CNTNAP5: variants seen among roughly 807,000 people sequenced by gnomAD.
CNTNAP5 encodes contactin associated protein family member 5.
In CNTNAP5, 72 loss-of-function variants were observed where a neutral mutation model predicts 150.2. That is an observed-to-expected ratio of 0.48 (90% confidence interval 0.40 to 0.58). The LOEUF (loss-of-function observed/expected upper bound fraction) is 0.58. CNTNAP5 is among the 20% of genes least tolerant of loss of function. The probability of loss-of-function intolerance (pLI) is 0.00; values close to 1 mark genes in which losing one functional copy is unlikely to be tolerated. For missense variants in CNTNAP5, 1,636 were observed against 1,626.2 expected (o/e 1.01, Z -0.10); for synonymous variants, 672 against 619.8 (o/e 1.08, Z -1.25).
At chr2:124,434,876 G>A (rs749782346) in intron 5 of CNTNAP5, among the ~76,000 whole-genome samples, 189 bp downstream of exon 5, 1 of 152,178 alleles carries the variant, frequency 6.6e-6, no homozygotes, top group Admixed American at 6.5e-5. Flanking sequence ...GACATGTAGG[G>A]AGAGTTGCAA....
At chr2:124,393,223 T>A (rs971572286) in intron 3 of CNTNAP5, among the ~76,000 whole-genome samples, 5 of 152,074 alleles carry the variant, frequency 3.3e-5, no homozygotes, top group Admixed American at 2.6e-4. Flanking sequence ...ATGTCAAACT[T>A]CTCTTTAATT....
At chr2:124,568,372 T>C (rs957510882) in intron 11 of CNTNAP5, among the ~76,000 whole-genome samples, 7 of 152,140 alleles carry the variant, frequency 4.6e-5, no homozygotes, top group Non-Finnish European at 1.0e-4. Flanking sequence ...GACATGATAG[T>C]AGACATACAT....
intron 10 of CNTNAP5, among the ~76,000 whole-genome samples, chr2:124,548,568 G>A (rs992369022): frequency 6.6e-6 from 1 of 152,128 alleles, no homozygotes; most frequent in Non-Finnish European, 1.5e-5. Flanking sequence ...GCATAGGCAG[G>A]CTGAGTAGTA....
chr2:124,894,682 T>C (rs2104751649), intron 21 of CNTNAP5, among the ~76,000 whole-genome samples: 1 of 150,792 alleles, frequency 6.6e-6, no homozygotes, highest in African/African-American at 2.5e-5. Context: ...GCCAACTGAG[T>C]AGCTGGGACT....
At position 124,610,341 on chromosome 2, in the gene CNTNAP5, A is replaced by AT. The variant is rs201525544; in HGVS notation, c.1876+422dup. On this transcript the variant is annotated intron_variant, in intron 12 of 23. Coordinates refer to ENST00000682447, the MANE Select transcript of CNTNAP5 (RefSeq NM_001367498.1). ...CAAGGGATGCATGACCCTTAGGTGA[A>AT]TACTATAGTTTCTCTGAGCTTTATC... Among the ~76,000 whole-genome samples, 724 of 152,290 alleles carry AT rather than the reference A, an allele frequency of 4.8e-3. 4 individuals are homozygous for AT. Among genetic ancestry groups the AT allele is most frequent in the African/African-American group, 0.017 (692 of 41,570 alleles).
chr2:124,062,411 T>C (rs1682036389), intron 1 of CNTNAP5, among the ~76,000 whole-genome samples: 1 of 152,188 alleles, frequency 6.6e-6, no homozygotes, highest in South Asian at 2.1e-4. Flanking sequence ...TACTCAGTTG[T>C]TTTCTCCTTG....
chr2:124,452,480 G>T (rs1423588960), intron 6 of CNTNAP5, among the ~76,000 whole-genome samples: 1 of 152,092 alleles, frequency 6.6e-6, no homozygotes. Flanking sequence ...AAGAAAAAGG[G>T]CATATACTCT....
chr2:124,217,014 A>G (rs1437789968), intron 1 of CNTNAP5, among the ~76,000 whole-genome samples: 1 of 152,160 alleles, frequency 6.6e-6, no homozygotes, highest in African/African-American at 2.4e-5. Context: ...CAACAGTGTA[A>G]AAGTGTTCCT....
intron 4 of CNTNAP5, among the ~76,000 whole-genome samples, chr2:124,420,874 G>C (rs1692086611): frequency 6.6e-6 from 1 of 152,126 alleles, no homozygotes; most frequent in Non-Finnish European, 1.5e-5. Context: ...TACTGGTTCT[G>C]TTTCTCTAGG....
chr2:124,349,868 CTATTTCTTTT>C (rs1433318693), intron 3 of CNTNAP5, among the ~76,000 whole-genome samples: 1 of 69,536 alleles, frequency 1.4e-5, no homozygotes, highest in African/African-American at 5.6e-5. Flanking sequence ...TGACTTCTGG[CTATTTCTTTT>C]TTTTTTTTTT....
intron 12 of CNTNAP5, among the ~76,000 whole-genome samples, chr2:124,645,189 T>C (rs200581532): frequency 6.6e-6 from 1 of 152,334 alleles, no homozygotes; most frequent in East Asian, 1.9e-4. Context: ...GGGTTAATTG[T>C]TTTTATAATA....
At chr2:124,240,244 G>A (rs1339749299) in intron 2 of CNTNAP5, among the ~76,000 whole-genome samples, 1 of 152,162 alleles carries the variant, frequency 6.6e-6, no homozygotes. Context: ...TCTACTAGGT[G>A]AACGTGTTCA....
Position 124,917,637 on chromosome 2 carries a change from C to T in CNTNAP5, c.*3349C>T, listed in dbSNP as rs960589490. ...TTCTACCTTTTGTCAGACTCATCTC[C>T]ACCAACGGGTAGCAAGAGCAGGATA... On this transcript the variant is annotated 3_prime_UTR_variant, in exon 24 of 24. Transcript: ENST00000682447. Among the ~76,000 whole-genome samples, 1 of 152,048 alleles carries T rather than the reference C, an allele frequency of 6.6e-6. No homozygotes were observed. Among genetic ancestry groups the T allele is most frequent in the Non-Finnish European group, 1.5e-5 (1 of 67,998 alleles).
chr2:124,117,775 G>A (rs1683462397), intron 1 of CNTNAP5, among the ~76,000 whole-genome samples: 1 of 152,082 alleles, frequency 6.6e-6, no homozygotes, highest in African/African-American at 2.4e-5. Context: ...CCAATTCTGA[G>A]GCTCCACTTC....
intron 13 of CNTNAP5, among the ~76,000 whole-genome samples, chr2:124,723,261 A>G (rs1573574102): frequency 6.6e-6 from 1 of 152,182 alleles, no homozygotes; most frequent in Non-Finnish European, 1.5e-5. Context: ...ATCACATACA[A>G]TATGCACTTT....
chr2:124,514,435 C>T (rs1342051218), intron 8 of CNTNAP5, among the ~76,000 whole-genome samples: 3 of 152,070 alleles, frequency 2.0e-5, no homozygotes, highest in African/African-American at 7.2e-5. Context: ...TATCACTTCC[C>T]TTTTTCTTTT....
chr2:124,724,657 A>G (rs1368880354), intron 13 of CNTNAP5, among the ~76,000 whole-genome samples: 1 of 151,888 alleles, frequency 6.6e-6, no homozygotes, highest in Admixed American at 6.6e-5. Context: ...CTGCATCCTT[A>G]TCTCTTCTGT....
intron 3 of CNTNAP5, among the ~76,000 whole-genome samples, chr2:124,378,270 A>T (rs74467624): frequency 4.9e-4 from 73 of 148,066 alleles, no homozygotes; most frequent in Non-Finnish European, 8.5e-4. Flanking sequence ...TTACACAATT[A>T]AAAAAAAAAC....
intron 3 of CNTNAP5, among the ~76,000 whole-genome samples, chr2:124,266,815 C>T (rs1246297339): frequency 3.3e-5 from 5 of 152,172 alleles, no homozygotes; most frequent in African/African-American, 7.2e-5. Context: ...ATCTGACAAG[C>T]GACACTTTGT....
Sources: gnomAD v4.1 joint callset for allele counts (sites outside exome capture counted in the v4.1 genomes callset) on GRCh38, gnomAD v4.1.1 for gene constraint, MANE v1.5 for transcripts, NCBI Gene and HGNC (gene_info 2026-07-23, HGNC 2026-07-21) for gene names.